The following THSD7A variants were observed in gnomAD, a reference collection of about 807,000 sequenced individuals.
The protein encoded by THSD7A is thrombospondin type-1 domain-containing protein 7A.
In THSD7A, 96 loss-of-function variants were observed where a neutral mutation model predicts 231.3. The observed-to-expected ratio is 0.41, with a 90% confidence interval of 0.35 to 0.49. The LOEUF is 0.49. Among genes scored for constraint, THSD7A ranks in the 20% least tolerant of loss-of-function variants. The probability of loss-of-function intolerance (pLI) is 0.05; values close to 1 mark genes in which losing one functional copy is unlikely to be tolerated. For synonymous variants in THSD7A, 940 were observed against 743.3 expected, an observed-to-expected ratio of 1.26 and a Z score of -4.30; for missense variants, 2,290 against 2,070.2, an observed-to-expected ratio of 1.11 and a Z score of -2.06.
intron 1 of THSD7A, among the ~76,000 whole-genome samples, chr7:11,690,088 G>C (rs964117530): frequency 6.6e-6 from 1 of 151,726 alleles, no homozygotes; most frequent in East Asian, 2.0e-4. Flanking sequence ...CCTCTGCTAA[G>C]TATATTTTTA....
intron 1 of THSD7A, among the ~76,000 whole-genome samples, chr7:11,744,421 TTTA>T (rs1782211910): frequency 1.3e-5 from 2 of 151,230 alleles, no homozygotes; most frequent in South Asian, 4.1e-4. Context: ...ACCAGGTTTT[TTTA>T]TTATTTTTTA....
intron 4 of THSD7A, among the ~76,000 whole-genome samples, chr7:11,588,552 C>T (rs1780011822): frequency 6.6e-6 from 1 of 152,082 alleles, no homozygotes; most frequent in African/African-American, 2.4e-5. Flanking sequence ...TAATGATATT[C>T]TTGCAATATT....
chr7:11,739,155 A>G (rs76769449), intron 1 of THSD7A, among the ~76,000 whole-genome samples: 1,983 of 152,186 alleles, frequency 0.013, 28 homozygotes, highest in African/African-American at 0.045. Flanking sequence ...TGGAGAAAGT[A>G]ATAGCATAAG....
intron 1 of THSD7A, among the ~76,000 whole-genome samples, chr7:11,811,908 C>T (rs755356906): frequency 1.6e-4 from 25 of 152,106 alleles, no homozygotes; most frequent in Non-Finnish European, 2.4e-4. Context: ...GATAATATGC[C>T]TATTCATGAA....
At chr7:11,713,373 T>C (rs1231294986) in intron 1 of THSD7A, among the ~76,000 whole-genome samples, 1 of 151,280 alleles carries the variant, frequency 6.6e-6, no homozygotes, top group Admixed American at 6.6e-5. Context: ...GGATATGCCA[T>C]GTTACATTAG....
chr7:11,445,840 C>T (rs1423132411), intron 13 of THSD7A, among the ~76,000 whole-genome samples: 1 of 151,956 alleles, frequency 6.6e-6, no homozygotes, highest in African/African-American at 2.4e-5. Flanking sequence ...ATCAGGCTTC[C>T]TGTCATTATC....
At position 11,832,071 on chromosome 7, in the gene THSD7A, G is replaced by T; in HGVS notation, c.-125C>A. ...CTCTTTCCTGCTATTGTTCGCTTCA[G>T]ATGAGAAGGAGGGAGAGCGCGTCTA... On this transcript the variant is annotated 5_prime_UTR_variant, in exon 1 of 28. The change creates a new upstream start codon in the 5' untranslated region. Coordinates refer to ENST00000423059, the MANE Select transcript of THSD7A (RefSeq NM_015204.3). 1 of 628,334 alleles carries T rather than the reference G, an allele frequency of 1.6e-6. No individual in the cohort carries two copies. The highest frequency in any genetic ancestry group is 2.2e-6 in the Non-Finnish European group (1 of 450,130). 38.9% of individuals were successfully genotyped at this position (628,334 alleles called of 1,614,324 possible).
chr7:11,593,670 T>G (rs908625360), intron 2 of THSD7A, among the ~76,000 whole-genome samples, 168 bp from the exon 3 acceptor site: 2 of 152,190 alleles, frequency 1.3e-5, no homozygotes, highest in Admixed American at 6.5e-5. Flanking sequence ...GCAGTTAGAC[T>G]CAAAGCTAAC....
chr7:11,418,821 G>A (rs1173259258), intron 16 of THSD7A, among the ~76,000 whole-genome samples: 2 of 151,730 alleles, frequency 1.3e-5, no homozygotes, highest in East Asian at 1.9e-4. Flanking sequence ...ACCTACCTGT[G>A]CATTTTTTTT....
At chr7:11,824,303 T>C (rs1784961148) in intron 1 of THSD7A, among the ~76,000 whole-genome samples, 2 of 152,044 alleles carry the variant, frequency 1.3e-5, no homozygotes, top group Admixed American at 1.3e-4. Flanking sequence ...CAATACTCTC[T>C]TCACAAAGAA....
intron 1 of THSD7A, among the ~76,000 whole-genome samples, chr7:11,786,771 AAAAAAAAAAG>A (rs1477234929): frequency 4.3e-4 from 64 of 148,342 alleles, no homozygotes; most frequent in African/African-American, 1.6e-3. Context: ...AAAAAAAAAA[AAAAAAAAAAG>A]AAAAACCAAT....
At chr7:11,483,681 G>A (rs1292716731) in intron 6 of THSD7A, among the ~76,000 whole-genome samples, 1 of 152,034 alleles carries the variant, frequency 6.6e-6, no homozygotes, top group Non-Finnish European at 1.5e-5. Context: ...TGCAAGGGGT[G>A]CTCTCTTATA....
At chr7:11,667,738 C>T (rs568492419) in intron 1 of THSD7A, among the ~76,000 whole-genome samples, 23 of 151,940 alleles carry the variant, frequency 1.5e-4, no homozygotes, top group African/African-American at 5.3e-4. Context: ...TTGAGAGTTA[C>T]GTATGATTAT....
intron 17 of THSD7A, among the ~76,000 whole-genome samples, chr7:11,417,110 C>G (rs761585855): frequency 6.6e-6 from 1 of 152,184 alleles, no homozygotes; most frequent in Non-Finnish European, 1.5e-5. Flanking sequence ...TTACTTCATT[C>G]ATTTTCCCTT....
intron 7 of THSD7A, among the ~76,000 whole-genome samples, chr7:11,476,036 C>G (rs1030545579): frequency 6.1e-5 from 9 of 148,312 alleles, no homozygotes; most frequent in African/African-American, 2.0e-4. Flanking sequence ...TAACCTTTTC[C>G]TTTTTAAATG....
At chr7:11,418,328 G>A (rs1375607669) in intron 16 of THSD7A, among the ~76,000 whole-genome samples, 1 of 152,138 alleles carries the variant, frequency 6.6e-6, no homozygotes, top group Admixed American at 6.5e-5. Flanking sequence ...TTATTCTCCT[G>A]TAAGCAGTCA....
chr7:11,528,536 G>A (rs538657338), intron 6 of THSD7A, among the ~76,000 whole-genome samples: 1 of 152,230 alleles, frequency 6.6e-6, no homozygotes, highest in Admixed American at 6.5e-5. Context: ...ATGAAACAAT[G>A]TTGAGGAGGC....
chr7:11,445,210 T>C (rs1583754779), intron 13 of THSD7A, among the ~76,000 whole-genome samples: 1 of 152,160 alleles, frequency 6.6e-6, no homozygotes, highest in East Asian at 1.9e-4. Flanking sequence ...TTCTATCAAG[T>C]AAGTAAGAGA....
chr7:11,751,080 G>C (rs1782483543), intron 1 of THSD7A: 1 of 152,008 alleles, frequency 6.6e-6, no homozygotes. Context: ...CTTGAGCTGA[G>C]TCCACCTGGC....
Sources: allele counts gnomAD v4.1 joint callset (sites outside exome capture counted in the v4.1 genomes callset), GRCh38; gene constraint gnomAD v4.1.1; transcripts MANE v1.5; gene names NCBI Gene and HGNC (gene_info 2026-07-23, HGNC 2026-07-21).